Variants in NOL11 observed in about 807,000 individuals in gnomAD.
NOL11 encodes nucleolar protein 11.
NOL11 carries 42 observed loss-of-function variants against 93.0 expected under a neutral mutation model. That is an observed-to-expected ratio of 0.45 (90% CI 0.35 to 0.58). NOL11 has a LOEUF of 0.58. NOL11 is among the 20% of genes least tolerant of loss of function. NOL11 has a pLI of 0.00. For synonymous variants in NOL11, 296 were observed against 293.7 expected, an observed-to-expected ratio of 1.01 and a Z score of -0.08; for missense variants, 775 against 841.8, an observed-to-expected ratio of 0.92 and a Z score of 0.98.
rs531698364 is a variant in NOL11 at position 67,723,156 on chromosome 17, G to A, written c.519+519G>A. On this transcript the variant is annotated intron_variant, in intron 5 of 17. Transcript: ENST00000253247. ...GCCTCCCGAGTAGCTGGGATTACAG[G>A]CATGCACCACCACGCCCAGCTAATT... 7.6e-3 allele frequency among the ~76,000 whole-genome samples: 1,154 copies of A among 151,758 alleles called. 17 individuals carry two copies. The highest frequency in any genetic ancestry group is 0.027 in the African/African-American group (1,105 of 41,372).
At chr17:67,742,164 C>G (rs1158398779) in intron 16 of NOL11, among the ~76,000 whole-genome samples, 1 of 152,196 alleles carries the variant, frequency 6.6e-6, no homozygotes, top group African/African-American at 2.4e-5. Context: ...AGAGTTGTGA[C>G]AACTACCACC....
At chr17:67,722,776 C>T in intron 5 of NOL11, 139 bp downstream of exon 5, 1 of 1,211,446 alleles carries the variant, frequency 8.3e-7, no homozygotes, top group Non-Finnish European at 1.1e-6. Context: ...CCTCAACCTC[C>T]TGGCTCAAGC....
At chr17:67,736,869 A>C in intron 10 of NOL11, 115 bp downstream of exon 10, 1 of 852,494 alleles carries the variant, frequency 1.2e-6, no homozygotes, top group Non-Finnish European at 1.9e-6. Flanking sequence ...CTATAATGAC[A>C]GGACAGTTTG....
At chr17:67,740,897 CT>C (rs1567806320) in intron 16 of NOL11, 1 of 66,800 alleles carries the variant, frequency 1.5e-5, no homozygotes, top group Non-Finnish European at 3.4e-5. Context: ...TAAAAAATAA[CT>C]TCTTTTTTTT....
Position 67,732,112 on chromosome 17 carries a change from T to C in NOL11, c.854-2251T>C, listed in dbSNP as rs937322628. ...CCAATTGCTGAACACAGGATATCTC[T>C]ATTTATTTATGTCTTCCTTAATTCC... is the stretch of plus-strand genomic sequence containing the variant. On this transcript the variant is annotated intron_variant, in intron 7 of 17. Coordinates refer to ENST00000253247, the MANE Select transcript of NOL11 (RefSeq NM_015462.5). Among the ~76,000 whole-genome samples, 8 of 152,208 alleles carry C rather than the reference T, an allele frequency of 5.3e-5. No individual in the cohort carries two copies. The East Asian group carries it at 5.8e-4, about 11-fold the overall frequency.
chr17:67,722,547 A>G, intron 4 of NOL11, 33 bp from the exon 5 acceptor site: 2 of 1,557,328 alleles, frequency 1.3e-6, no homozygotes, highest in Non-Finnish European at 1.7e-6. Context: ...TGATTTTTGC[A>G]TCCTATAATT....
intron 7 of NOL11, among the ~76,000 whole-genome samples, chr17:67,729,747 T>C (rs2055134517): frequency 6.8e-6 from 1 of 146,096 alleles, no homozygotes; most frequent in Non-Finnish European, 1.5e-5. Context: ...CCTGGCTGAT[T>C]TTTTTGTATT....
chr17:67,734,425 G>A lies in NOL11; in HGVS notation c.916G>A (p.Gly306Arg). Residue 306 changes from glycine to arginine, a missense_variant, in exon 8 of 18, where the codon GGG (glycine) becomes AGG (arginine). Physicochemically the swap from Gly to Arg is moderately radical, Grantham distance 125. This residue lies in a region of NOL11 where 416 missense variants were observed against 525.2 expected (regional missense o/e 0.79). Transcript: ENST00000253247. ...ACAGACTTCAAAAGAGTTACCACAA[G>A]GGACCAGTGGTCAAGTAAGTTTTTT... is the stretch of plus-strand genomic sequence containing the variant. ...TLQTSKELPQ[G>R]TSGQLWYYGE... is the part of the protein sequence containing the mutation. 6.2e-7 allele frequency: 1 copy of A among 1,602,716 alleles called. No individual in the cohort carries two copies. Among genetic ancestry groups the A allele is most frequent in the Admixed American group, 1.7e-5 (1 of 59,652 alleles).
chr17:67,742,120 C>G (rs554262147), intron 16 of NOL11, among the ~76,000 whole-genome samples: 2 of 152,232 alleles, frequency 1.3e-5, no homozygotes, highest in South Asian at 2.1e-4. Context: ...ATAGTACATG[C>G]AATTTTTAGT....
intron 14 of NOL11, 78 bp downstream of exon 14, chr17:67,738,433 C>T (rs1372859378): frequency 2.3e-6 from 2 of 880,134 alleles, no homozygotes; most frequent in South Asian, 3.4e-5. Context: ...CAAGGAGTAA[C>T]TCAATAATTT....
intron 6 of NOL11, among the ~76,000 whole-genome samples, chr17:67,725,812 G>T (rs1032313320): frequency 6.6e-6 from 1 of 152,186 alleles, no homozygotes; most frequent in Non-Finnish European, 1.5e-5. Context: ...AAGCACACTG[G>T]CTCACACCTG....
chr17:67,718,342 C>G (rs1688266817), intron 1 of NOL11, among the ~76,000 whole-genome samples: 1 of 152,176 alleles, frequency 6.6e-6, no homozygotes, highest in Non-Finnish European at 1.5e-5. Context: ...GAAAGAAAAC[C>G]TGTGCTTTTG....
Position 67,739,542 on chromosome 17 carries a change from G to A in NOL11, c.1869G>A (p.Leu623=), listed in dbSNP as rs1252142202. 2 of 1,594,422 alleles carry A rather than the reference G, an allele frequency of 1.3e-6. No individual in the cohort carries two copies. Among genetic ancestry groups the A allele is most frequent in the Non-Finnish European group, 1.7e-6 (2 of 1,172,746 alleles). Residue 623 remains leucine (L), a synonymous_variant, in exon 16 of 18, where the codon CTG becomes CTA. Coordinates refer to ENST00000253247, the MANE Select transcript of NOL11 (RefSeq NM_015462.5). ...TGTTTCTTAAGTATTTGTATTTCCT[G>A]TACCTGAAGTGTAGCGAAAATGCTA... ...ITLFLKYLYF[L]YLKCSENATM... is the part of the protein sequence containing the mutation.
chr17:67,724,838 C>T (rs936939379), intron 6 of NOL11, among the ~76,000 whole-genome samples: 2 of 152,064 alleles, frequency 1.3e-5, no homozygotes, highest in African/African-American at 4.8e-5. Context: ...GTGGGCAGAT[C>T]ACAAGGTCAG....
At chr17:67,737,267 A>T in intron 11 of NOL11, 122 bp downstream of exon 11, 2 of 714,460 alleles carry the variant, frequency 2.8e-6, no homozygotes, top group Non-Finnish European at 4.8e-6. Context: ...ATCTTGTAGT[A>T]TCTTAAGGGT....
chr17:67,726,320 GCA>G, intron 6 of NOL11, 138 bp from the exon 7 acceptor site: 1 of 562,492 alleles, frequency 1.8e-6, no homozygotes, highest in Non-Finnish European at 2.9e-6. Context: ...TTAAGAGAAA[GCA>G]CAGTGATGGG....
At chr17:67,720,299 A>AC (rs1398846980) in intron 3 of NOL11, 1 of 153,634 alleles carries the variant, frequency 6.5e-6, no homozygotes, top group East Asian at 2.0e-4. Flanking sequence ...GGTGTATTGT[A>AC]CTTTTTTTTT....
Position 67,722,587 on chromosome 17 carries a change from A to G in NOL11, c.469A>G (p.Lys157Glu), listed in dbSNP as rs774003532. 15 of 1,572,480 alleles carry G rather than the reference A, an allele frequency of 9.5e-6. No homozygotes were observed. In the South Asian group the frequency reaches 1.1e-4, roughly 12 times the overall value. ...TTTTTTCTTTTTTTGTAGATGGACA[A>G]AGTTTTTCGTAGTATTCAGACATCC... ...ISDEEVIKWT[K>E]FFVVFRHPVL... Residue 157 changes from lysine (K) to glutamate (E), a missense_variant, in exon 5 of 18, where the codon AAG (lysine) becomes GAG (glutamate). Physicochemically the swap from Lys to Glu is moderately conservative, Grantham distance 56 (BLOSUM62 1). Coordinates refer to ENST00000253247, the MANE Select transcript of NOL11 (RefSeq NM_015462.5).
intron 8 of NOL11, among the ~76,000 whole-genome samples, chr17:67,735,420 T>G (rs2055191969): frequency 6.6e-6 from 1 of 151,338 alleles, no homozygotes; most frequent in Non-Finnish European, 1.5e-5. Flanking sequence ...ACTTATTATT[T>G]TATTTGTTTT....
Sources: allele counts gnomAD v4.1 joint callset (sites outside exome capture counted in the v4.1 genomes callset), GRCh38; gene constraint gnomAD v4.1.1; regional missense constraint gnomAD v4.1.1; transcripts MANE v1.5; gene names NCBI Gene and HGNC (gene_info 2026-07-23, HGNC 2026-07-21).